Variants in ATP5PD observed in about 807,000 individuals in gnomAD.
ATP5PD encodes the protein ATP synthase peripheral stalk subunit d.
A neutral mutation model predicts 22.6 loss-of-function variants in ATP5PD; 13 were observed. The ratio of observed to expected loss-of-function variants is 0.58; its 90% CI spans 0.37 to 0.91. The LOEUF is 0.91. Among genes scored for constraint, ATP5PD ranks in the 40% least tolerant of loss-of-function variants. ATP5PD has a pLI of 0.00. For synonymous variants in ATP5PD, 51 were observed against 65.0 expected, an observed-to-expected ratio of 0.79 and a Z score of 1.03; for missense variants, 165 against 188.0, an observed-to-expected ratio of 0.88 and a Z score of 0.72.
intron 4 of ATP5PD, 195 bp downstream of exon 4, chr17:75,039,897 T>C: frequency 1.6e-6 from 1 of 643,796 alleles, no homozygotes; most frequent in South Asian, 1.9e-5. Flanking sequence ...TGCTATACTC[T>C]TCTTTTTCTT....
Position 75,042,611 on chromosome 17 carries a change from C to T in ATP5PD, c.40G>A (p.Val14Ile). 3 of 1,612,760 alleles carry T rather than the reference C, an allele frequency of 1.9e-6. No homozygotes were observed. The highest frequency in any genetic ancestry group is 2.5e-6 in the Non-Finnish European group (3 of 1,179,644). Residue 14 changes from valine to isoleucine, a missense_variant, in exon 2 of 6, where the codon GTA becomes ATA. Physicochemically the swap from Val to Ile is conservative, Grantham distance 29. Coordinates refer to ENST00000301587, the MANE Select transcript of ATP5PD (RefSeq NM_006356.3). ...RKLALKTIDW[V>I]AFAEIIPQNQ... ...TGGGGTATGATCTCTGCAAAAGCTA[C>T]CCAGTCAATGGTTTTTAGAGCAAGT...
At chr17:75,042,302 T>G (rs2073169678) in intron 2 of ATP5PD, 25 bp from the exon 3 acceptor site, 2 of 1,611,094 alleles carry the variant, frequency 1.2e-6, no homozygotes, top group Non-Finnish European at 1.7e-6. Context: ...AGGCAAAAGT[T>G]AGGATTGTTC....
chr17:75,046,083 T>G (rs1390874399), intron 1 of ATP5PD, among the ~76,000 whole-genome samples: 2 of 151,666 alleles, frequency 1.3e-5, no homozygotes, highest in African/African-American at 4.8e-5. Context: ...ACAAATAACT[T>G]TGTGTGTGTG....
chr17:75,043,867 G>A (rs948489019), intron 1 of ATP5PD, among the ~76,000 whole-genome samples: 3 of 151,868 alleles, frequency 2.0e-5, no homozygotes, highest in African/African-American at 7.3e-5. Flanking sequence ...TGCCCCAGAG[G>A]GCTGCTAAAA....
chr17:75,046,749 G>A (rs527261874), intron 1 of ATP5PD, among the ~76,000 whole-genome samples, 176 bp downstream of exon 1: 16 of 152,088 alleles, frequency 1.1e-4, no homozygotes, highest in African/African-American at 3.6e-4. Flanking sequence ...AAGGAGGGCT[G>A]AGGAAGGGAT....
Position 75,039,012 on chromosome 17 carries a change from A to G in ATP5PD, c.406T>C (p.Leu136=), listed in dbSNP as rs6968. 10,654 of 1,614,102 alleles carry G rather than the reference A, an allele frequency of 6.6e-3. 547 individuals carry two copies. The African/African-American group carries it at 0.12, about 18-fold the overall frequency. Residue 136 remains leucine (L), a synonymous_variant, in exon 6 of 6, where the codon TTG becomes CTG. Transcript: ENST00000301587. ...TTGGTTTCTGGGAAAGCTTCATTCA[A>G]GTCCTCAATGGTCATCTGATCAAAT... The part of the protein sequence containing the change: ...IPFDQMTIED[L]NEAFPETKLD...
At chr17:75,042,808 G>A in intron 1 of ATP5PD, 149 bp from the exon 2 acceptor site, 3 of 814,898 alleles carry the variant, frequency 3.7e-6, no homozygotes, top group Non-Finnish European at 5.6e-6. Context: ...TTGAACCCAG[G>A]AGGTGGAGGT....
At chr17:75,041,898 G>A (rs966994592) in intron 3 of ATP5PD, 3 of 278,970 alleles carry the variant, frequency 1.1e-5, no homozygotes, top group African/African-American at 2.2e-5. Context: ...CCTAAGAAGG[G>A]GTGAACCGGC....
chr17:75,040,237 C>T, intron 3 of ATP5PD, 74 bp from the exon 4 acceptor site: 3 of 1,565,014 alleles, frequency 1.9e-6, no homozygotes, highest in Non-Finnish European at 2.6e-6. Flanking sequence ...GTCGCCAATA[C>T]ACCCAGGAGC....
In ATP5PD at chr17:75,044,358, A is replaced by T. The variant is rs549122421; in HGVS notation, c.-9-1699T>A. Reference sequence around the variant, plus strand: ...GTAGCTGGGACTACAGGCGCCCGCCACCGCGCCCGGCTAATTTTTTGTATT... The same window carrying T: ...GTAGCTGGGACTACAGGCGCCCGCCTCCGCGCCCGGCTAATTTTTTGTATT... On this transcript the variant is annotated intron_variant, in intron 1 of 5. Transcript: ENST00000301587. 2.6e-5 allele frequency among the ~76,000 whole-genome samples: 3 copies of T among 115,126 alleles called. 1 individual carries two copies. In the South Asian group the frequency reaches 8.6e-4, roughly 33 times the overall value. 75.5% of individuals were successfully genotyped at this position (115,126 alleles called of 152,430 possible). A position where few individuals can be genotyped will look rare whatever the true frequency, so the allele number is the denominator to read the frequency against.
chr17:75,040,341 G>A (rs1274831763), intron 3 of ATP5PD, 178 bp from the exon 4 acceptor site: 2 of 667,918 alleles, frequency 3.0e-6, no homozygotes, highest in South Asian at 1.8e-5. Flanking sequence ...TACTGGAGTA[G>A]AAAGAATATT....
intron 4 of ATP5PD, chr17:75,039,492 C>T (rs763872558): frequency 9.8e-5 from 52 of 529,870 alleles, no homozygotes; most frequent in African/African-American, 2.3e-4. Context: ...TGGCAGCACC[C>T]GGCTGCTTCT....
At chr17:75,045,555 A>T (rs959682901) in intron 1 of ATP5PD, among the ~76,000 whole-genome samples, 3 of 152,212 alleles carry the variant, frequency 2.0e-5, no homozygotes, top group African/African-American at 4.8e-5. Context: ...TTTCTCAGGG[A>T]TATCCCATGC....
intron 1 of ATP5PD, among the ~76,000 whole-genome samples, chr17:75,044,710 A>T (rs1023214829): frequency 2.0e-5 from 3 of 151,216 alleles, no homozygotes; most frequent in Non-Finnish European, 2.9e-5. Flanking sequence ...ACAGCCACTT[A>T]AAAAAAAAGT....
intron 1 of ATP5PD, among the ~76,000 whole-genome samples, chr17:75,043,468 C>A (rs541514852): frequency 6.6e-6 from 1 of 152,042 alleles, no homozygotes; most frequent in Admixed American, 6.6e-5. Context: ...CAAAAATTAG[C>A]CGGGCGTGAT....
chr17:75,042,504 G>A, intron 2 of ATP5PD, 25 bp downstream of exon 2: 1 of 1,600,386 alleles, frequency 6.2e-7, no homozygotes, highest in Non-Finnish European at 8.5e-7. Flanking sequence ...GCAAGTATGG[G>A]GTTCCCTCTC....
At chr17:75,046,496 C>T (rs1016595215) in intron 1 of ATP5PD, among the ~76,000 whole-genome samples, 1 of 152,224 alleles carries the variant, frequency 6.6e-6, no homozygotes, top group African/African-American at 2.4e-5. Context: ...ACTCTGCACC[C>T]GAGGAGCCCT....
chr17:75,039,007 A>C lies in ATP5PD; in HGVS notation c.411T>G (p.Asn137Lys), dbSNP rs2073129669. Residue 137 changes from asparagine (N) to lysine (K), a missense_variant, in exon 6 of 6, where the codon AAT (asparagine) becomes AAG (lysine). Physicochemically the swap from Asn to Lys is moderately conservative, Grantham distance 94 (BLOSUM62 0). Transcript: ENST00000301587. ...PFDQMTIEDL[N>K]EAFPETKLDK... ...CTAATTTGGTTTCTGGGAAAGCTTC[A>C]TTCAAGTCCTCAATGGTCATCTGAT... The C allele has an allele frequency of 6.2e-7, 1 of 1,614,040 alleles. No homozygotes were observed. The highest frequency in any genetic ancestry group is 8.5e-7 in the Non-Finnish European group (1 of 1,179,990).
intron 3 of ATP5PD, 104 bp from the exon 4 acceptor site, chr17:75,040,267 G>C (rs189719024): frequency 1.0e-4 from 137 of 1,372,388 alleles, no homozygotes; most frequent in Non-Finnish European, 1.4e-4. Flanking sequence ...TGGAAGCTAC[G>C]AATCCTTAAA....
Sources: allele counts gnomAD v4.1 joint callset (sites outside exome capture counted in the v4.1 genomes callset), GRCh38; gene constraint gnomAD v4.1.1; transcripts MANE v1.5; gene names NCBI Gene and HGNC (gene_info 2026-07-23, HGNC 2026-07-21).